FAM171A1: variants seen among roughly 807,000 people sequenced by gnomAD.
FAM171A1 encodes protein FAM171A1.
Under a neutral mutation model 74.9 loss-of-function variants are expected in FAM171A1, and 23 were observed. The ratio of observed to expected loss-of-function variants is 0.31; its 90% CI spans 0.22 to 0.44. The LOEUF (loss-of-function observed/expected upper bound fraction) is 0.44, where lower values mean the gene tolerates loss of function less well. Among genes scored for constraint, FAM171A1 ranks in the 20% least tolerant of loss-of-function variants. The probability of loss-of-function intolerance (pLI) is 1.00; values close to 1 mark genes in which losing one functional copy is unlikely to be tolerated. For missense variants in FAM171A1, 1,162 were observed against 1,159.2 expected, an observed-to-expected ratio of 1.00 and a Z score of -0.03; for synonymous variants, 527 against 505.7, an observed-to-expected ratio of 1.04 and a Z score of -0.57.
intron 5 of FAM171A1, among the ~76,000 whole-genome samples, chr10:15,244,259 G>A (rs973506037): frequency 6.6e-6 from 1 of 152,156 alleles, no homozygotes; most frequent in African/African-American, 2.4e-5. Context: ...GGAGGCTGAG[G>A]CACTAGAATC....
intron 1 of FAM171A1, among the ~76,000 whole-genome samples, chr10:15,350,091 C>T (rs543373903): frequency 2.6e-4 from 39 of 152,194 alleles, no homozygotes; most frequent in Middle Eastern, 3.4e-3. Flanking sequence ...CACCCCTACA[C>T]GTGATGCCCC....
At chr10:15,216,214 G>T in intron 6 of FAM171A1, 104 bp from the exon 7 acceptor site, 1 of 701,482 alleles carries the variant, frequency 1.4e-6, no homozygotes, top group Non-Finnish European at 2.3e-6. Flanking sequence ...TCTTAGCTGG[G>T]GCATAGAGCA....
intron 1 of FAM171A1, among the ~76,000 whole-genome samples, chr10:15,312,374 G>C (rs1387510717): frequency 6.6e-6 from 1 of 152,126 alleles, no homozygotes; most frequent in Non-Finnish European, 1.5e-5. Context: ...CTATGGTGGG[G>C]AGCTTTCGAA....
In FAM171A1 at chr10:15,214,442, G is replaced by A. The variant is rs139806876; in HGVS notation, c.1146C>T (p.His382=). ...TCGTGCCGGGGGCCTCGGGGCGGCC[G>A]TGGCTGGTGACGGACAGCGGGCCAG... ...EFPGPLSVTS[H]GRPEAPGTKE... Residue 382 remains histidine (H), a synonymous_variant, in exon 8 of 8, where the codon CAC becomes CAT. Transcript: ENST00000378116. The A allele has an allele frequency of 2.5e-4, 406 of 1,614,134 alleles. 2 individuals carry two copies. The African/African-American group carries it at 3.9e-3, about 16-fold the overall frequency.
chr10:15,359,036 G>A (rs1026244783), intron 1 of FAM171A1, among the ~76,000 whole-genome samples: 3 of 152,118 alleles, frequency 2.0e-5, no homozygotes, highest in African/African-American at 4.8e-5. Context: ...CGCTGCATGC[G>A]ATTGATGTGA....
rs1564281774 is a variant in FAM171A1 at position 15,331,862 on chromosome 10, TATATATGTGTGTGTATAC to T, written c.97+39076_97+39093del. Among the ~76,000 whole-genome samples the T allele has an allele frequency of 3.5e-3, 350 of 99,524 alleles. 41 individuals carry two copies. The highest frequency in any genetic ancestry group is 5.0e-3 in the Middle Eastern group (1 of 202). The allele number at this position is 99,524 out of a possible 152,430, so 65.3% of individuals were successfully genotyped here. A position where few individuals can be genotyped will look rare whatever the true frequency, so the allele number is the denominator to read the frequency against. On this transcript the variant is annotated intron_variant, in intron 1 of 7. Transcript: ENST00000378116. ...ATATGTGTGTATATATATGTGTGTA[TATATATGTGTGTGTATAC>T]ATATATATATATATATGAAACAATT...
intron 2 of FAM171A1, among the ~76,000 whole-genome samples, chr10:15,278,634 C>T (rs11259592): frequency 0.31 from 47,206 of 151,980 alleles, 7,735 homozygotes; most frequent in African/African-American, 0.4. Flanking sequence ...TCAGGCTGAG[C>T]GAAAGACGCC....
intron 3 of FAM171A1, among the ~76,000 whole-genome samples, chr10:15,262,289 TG>T (rs1834668166): frequency 6.6e-6 from 1 of 152,190 alleles, no homozygotes; most frequent in South Asian, 2.1e-4. Flanking sequence ...GAGGCTGCTA[TG>T]AAATTATTCA....
intron 1 of FAM171A1, among the ~76,000 whole-genome samples, chr10:15,331,051 G>T (rs1835624707): frequency 6.6e-6 from 1 of 152,002 alleles, no homozygotes; most frequent in Non-Finnish European, 1.5e-5. Flanking sequence ...CACCACGCCT[G>T]GCTAATTTTT....
chr10:15,228,413 G>A (rs1480472219), intron 5 of FAM171A1, among the ~76,000 whole-genome samples: 1 of 148,712 alleles, frequency 6.7e-6, no homozygotes, highest in African/African-American at 2.5e-5. Context: ...TGCTATCTTG[G>A]CTCACTGCAA....
chr10:15,239,912 C>T (rs1431036980), intron 5 of FAM171A1, among the ~76,000 whole-genome samples: 1 of 152,156 alleles, frequency 6.6e-6, no homozygotes, highest in African/African-American at 2.4e-5. Flanking sequence ...TCTGAAAATC[C>T]AAAATCCAAA....
intron 1 of FAM171A1, among the ~76,000 whole-genome samples, chr10:15,337,566 G>A (rs1351012152): frequency 1.3e-5 from 2 of 151,986 alleles, no homozygotes; most frequent in Non-Finnish European, 1.5e-5. Context: ...AGTAGGGGCC[G>A]GGTGTGGTGG....
intron 1 of FAM171A1, among the ~76,000 whole-genome samples, chr10:15,351,612 C>CATGG (rs1419529687): frequency 4.4e-4 from 36 of 81,308 alleles, no homozygotes; most frequent in East Asian, 3.0e-3. Flanking sequence ...TGGATGGATG[C>CATGG]ATGGATGGAT....
intron 1 of FAM171A1, among the ~76,000 whole-genome samples, chr10:15,293,273 T>C (rs893790297): frequency 6.6e-6 from 1 of 152,222 alleles, no homozygotes; most frequent in African/African-American, 2.4e-5. Flanking sequence ...TTTGTTGTTG[T>C]TCCATTTATT....
chr10:15,275,736 G>T, intron 3 of FAM171A1, 119 bp downstream of exon 3: 1 of 586,856 alleles, frequency 1.7e-6, no homozygotes, highest in Non-Finnish European at 2.8e-6. Flanking sequence ...GGGTTAATGT[G>T]TTTGATTTAA....
intron 3 of FAM171A1, among the ~76,000 whole-genome samples, chr10:15,260,564 T>G (rs1213241235): frequency 6.6e-6 from 1 of 152,220 alleles, no homozygotes; most frequent in Non-Finnish European, 1.5e-5. Context: ...CTTCCCATTA[T>G]AGACTGAAGC....
chr10:15,284,114 A>T lies in FAM171A1; in HGVS notation c.98-9T>A. The T allele has an allele frequency of 1.2e-6, 2 of 1,611,992 alleles. No individual in the cohort carries two copies. The highest frequency in any genetic ancestry group is 1.7e-6 in the Non-Finnish European group (2 of 1,179,548). The stretch of plus-strand genomic sequence containing the variant: ...CACCTTTAACGTCACCTCTGGAGGT[A>T]GAGAAAGCACAAAGAACAGCTACTG... On this transcript the variant is annotated splice_polypyrimidine_tract_variant and intron_variant, in intron 1 of 7. Transcript: ENST00000378116.
chr10:15,332,227 A>C (rs1835647957), intron 1 of FAM171A1, among the ~76,000 whole-genome samples: 1 of 152,100 alleles, frequency 6.6e-6, no homozygotes, highest in African/African-American at 2.4e-5. Flanking sequence ...GAGTGCTAGG[A>C]TTACAGGAGT....
In FAM171A1 at chr10:15,212,713, C is replaced by G. The variant is rs984092238; in HGVS notation, c.*202G>C. On this transcript the variant is annotated 3_prime_UTR_variant, in exon 8 of 8. Coordinates refer to ENST00000378116, the MANE Select transcript of FAM171A1 (RefSeq NM_001010924.2). ...TTCAGCCACCTCCTTGCAGGGGCGA[C>G]ATCCGCCAAAGTCATCCTTTATTCC... 1.3e-6 allele frequency: 1 copy of G among 751,958 alleles called. No individual in the cohort carries two copies. Among genetic ancestry groups the G allele is most frequent in the African/African-American group, 1.8e-5 (1 of 56,704 alleles). The allele number at this position is 751,958 out of a possible 1,614,324, so 46.6% of individuals were successfully genotyped here. A position where few individuals can be genotyped will look rare whatever the true frequency, so the allele number is the denominator to read the frequency against.
Sources: gnomAD v4.1 joint callset for allele counts (sites outside exome capture counted in the v4.1 genomes callset) on GRCh38, gnomAD v4.1.1 for gene constraint, MANE v1.5 for transcripts, NCBI Gene and HGNC (gene_info 2026-07-23, HGNC 2026-07-21) for gene names.